The following NRAP variants were observed in gnomAD, a reference collection of about 807,000 sequenced individuals.
The protein encoded by NRAP is nebulin-related-anchoring protein.
In NRAP, 189 loss-of-function variants were observed where a neutral mutation model predicts 225.9. The observed-to-expected ratio is 0.84, with a 90% CI of 0.74 to 0.94. The LOEUF (loss-of-function observed/expected upper bound fraction) is 0.94. NRAP is among the 40% of genes least tolerant of loss of function. The pLI, the probability that NRAP is intolerant of heterozygous loss-of-function variation, is 0.00. For missense variants in NRAP, 2,176 were observed against 2,168.7 expected (o/e 1.00, Z -0.07); for synonymous variants, 769 against 790.7 (o/e 0.97, Z 0.46).
At chr10:113,631,067 A>C (rs1172111680) in intron 18 of NRAP, among the ~76,000 whole-genome samples, 7 of 152,308 alleles carry the variant, frequency 4.6e-5, no homozygotes, top group African/African-American at 1.7e-4. Flanking sequence ...GGGAGGCCCC[A>C]GCTTGCTAAA....
In NRAP at chr10:113,623,769, G is replaced by A. The variant is rs1433295585; in HGVS notation, c.2350-133C>T. 3 of 639,894 alleles carry A rather than the reference G, an allele frequency of 4.7e-6. No homozygotes were observed. In the African/African-American group the frequency reaches 5.4e-5, roughly 11 times the overall value. The allele number at this position is 639,894 out of a possible 1,614,324, so 39.6% of individuals were successfully genotyped here. A position where few individuals can be genotyped will look rare whatever the true frequency, so the allele number is the denominator to read the frequency against. On this transcript the variant is annotated intron_variant, in intron 22 of 41. Coordinates refer to ENST00000359988, the MANE Select transcript of NRAP (RefSeq NM_198060.4). ...ATTACGTCCTTCTCTGAGAGCCACA[G>A]AAATCATGTAGTCTGAATACAGCCA...
chr10:113,626,073 T>C lies in NRAP; in HGVS notation c.2218A>G (p.Lys740Glu), dbSNP rs992235322. The C allele has an allele frequency of 1.2e-5, 19 of 1,612,568 alleles. No homozygotes were observed. The highest frequency in any genetic ancestry group is 1.2e-4 in the Admixed American group (7 of 59,930). ...CCGCTCTGTAGCTCCTGGCTCTTCT[T>C]GGCGTGCTCCATCTGGGAGCTGTCG... ...VTDSSQMEHAKKSQELQSGVA... is the reference protein window; with the variant it reads ...VTDSSQMEHAEKSQELQSGVA... Residue 740 changes from lysine to glutamate, a missense_variant, in exon 21 of 42, where the codon AAG (lysine) becomes GAG (glutamate). Transcript: ENST00000359988.
At chr10:113,628,578 T>C (rs763248478) in intron 20 of NRAP, among the ~76,000 whole-genome samples, 16 of 152,226 alleles carry the variant, frequency 1.1e-4, no homozygotes, top group Admixed American at 2.6e-4. Flanking sequence ...ATCCTCCAAA[T>C]ACTGGACTTT....
intron 8 of NRAP, 65 bp downstream of exon 8, chr10:113,650,373 C>A: frequency 1.7e-6 from 2 of 1,178,456 alleles, no homozygotes; most frequent in Non-Finnish European, 2.6e-6. Flanking sequence ...GGAAGTTGGA[C>A]TCCTCAGACC....
At chr10:113,594,129 G>T (rs1191819329) in intron 38 of NRAP, among the ~76,000 whole-genome samples, 5 of 152,154 alleles carry the variant, frequency 3.3e-5, no homozygotes. Context: ...TTATCACAGT[G>T]GGCACAGTTT....
chr10:113,604,103 A>T (rs1471730989), intron 35 of NRAP, among the ~76,000 whole-genome samples: 1 of 152,130 alleles, frequency 6.6e-6, no homozygotes, highest in Non-Finnish European at 1.5e-5. Flanking sequence ...GCTAGTATAC[A>T]GAAGGTGGTC....
intron 14 of NRAP, 105 bp from the exon 15 acceptor site, chr10:113,634,315 T>C (rs755407306): frequency 3.0e-5 from 23 of 775,370 alleles, no homozygotes; most frequent in Non-Finnish European, 5.0e-5. Flanking sequence ...AATGGCTACG[T>C]AGAAAAAGAG....
chr10:113,651,793 C>T lies in NRAP; in HGVS notation c.675+10G>A, dbSNP rs1297265561. On this transcript the variant is annotated intron_variant, in intron 7 of 41. Coordinates refer to ENST00000359988, the MANE Select transcript of NRAP (RefSeq NM_198060.4). ...CCATCAGTGATGGACTGGCCTCCCT[C>T]CTTTCTTACATCACTTTGAAGCTGT... 2.5e-6 allele frequency: 4 copies of T among 1,573,166 alleles called. No homozygotes were observed. The highest frequency in any genetic ancestry group is 1.7e-5 in the Admixed American group (1 of 59,916).
At position 113,595,713 on chromosome 10, in the gene NRAP, A is replaced by C; in HGVS notation, c.4446T>G (p.Ser1482=). Reference sequence around the variant, plus strand: ...ATCTGTGCAGGGATTCTGCATCTCCAGATCTATACATGCGCTGTAGATAAG... The same window carrying C: ...ATCTGTGCAGGGATTCTGCATCTCCCGATCTATACATGCGCTGTAGATAAG... ...YMHCNERMYR[S]GDAESLHRYT... The change falls in exon 38 of 42, where the codon TCT becomes TCG. Residue 1482 remains serine (S), a synonymous_variant. Transcript: ENST00000359988. 1 of 1,610,784 alleles carries C rather than the reference A, an allele frequency of 6.2e-7. No individual in the cohort carries two copies. Among genetic ancestry groups the C allele is most frequent in the Non-Finnish European group, 8.5e-7 (1 of 1,176,916 alleles).
intron 31 of NRAP, among the ~76,000 whole-genome samples, chr10:113,610,186 C>T (rs931486893): frequency 2.0e-5 from 3 of 151,822 alleles, no homozygotes; most frequent in Non-Finnish European, 4.4e-5. Flanking sequence ...CCCATCTCTA[C>T]TAAAAATATA....
intron 14 of NRAP, among the ~76,000 whole-genome samples, chr10:113,639,740 C>T (rs1246378637): frequency 6.6e-6 from 1 of 152,114 alleles, no homozygotes; most frequent in East Asian, 1.9e-4. Flanking sequence ...TAAATAAAAT[C>T]GCTGCTGTAA....
intron 32 of NRAP, 64 bp from the exon 33 acceptor site, chr10:113,606,346 G>A (rs1846967209): frequency 9.8e-7 from 1 of 1,021,728 alleles, no homozygotes; most frequent in Non-Finnish European, 1.5e-6. Flanking sequence ...CTGCAGTGCT[G>A]GAAGTCCCTC....
At chr10:113,632,269 A>G (rs1299804491) in intron 16 of NRAP, among the ~76,000 whole-genome samples, 1 of 152,170 alleles carries the variant, frequency 6.6e-6, no homozygotes, top group Non-Finnish European at 1.5e-5. Flanking sequence ...ATTTGCAAAG[A>G]GTGTATCATA....
At chr10:113,645,041 G>A (rs541931034) in intron 11 of NRAP, among the ~76,000 whole-genome samples, 22 of 152,262 alleles carry the variant, frequency 1.4e-4, no homozygotes, top group African/African-American at 5.3e-4. Flanking sequence ...CGGTGGGCAA[G>A]CCAAACAAAA....
Position 113,663,699 on chromosome 10 carries a change from T to C in NRAP, c.72+112A>G, listed in dbSNP as rs570986628. 11 of 826,654 alleles carry C rather than the reference T, an allele frequency of 1.3e-5. No homozygotes were observed. In the South Asian group the frequency reaches 1.5e-4, roughly 12 times the overall value. The allele number at this position is 826,654 out of a possible 1,614,324, so 51.2% of individuals were successfully genotyped here. A position where few individuals can be genotyped will look rare whatever the true frequency, so the allele number is the denominator to read the frequency against. ...AGAAAATATAACTTTTTCTTGTGGT[T>C]CAAAACAATTTAACTGAAAATTAAA... On this transcript the variant is annotated intron_variant, in intron 1 of 41. Coordinates refer to ENST00000359988, the MANE Select transcript of NRAP (RefSeq NM_198060.4).
chr10:113,661,347 A>G lies in NRAP; in HGVS notation c.255+1332T>C, dbSNP rs191525701. Among the ~76,000 whole-genome samples the G allele has an allele frequency of 2.3e-4, 35 of 152,318 alleles. No homozygotes were observed. In the East Asian group the frequency reaches 3.5e-3, roughly 15 times the overall value. On this transcript the variant is annotated intron_variant, in intron 3 of 41. Transcript: ENST00000359988. ...AATAAACTCACAATTAGTTCTAAGCACTTAGTGAAAATAAGGTATCTTGGC... is the reference window on the plus strand; with the variant it reads ...AATAAACTCACAATTAGTTCTAAGCGCTTAGTGAAAATAAGGTATCTTGGC...
chr10:113,599,522 C>T (rs922684342), intron 35 of NRAP, among the ~76,000 whole-genome samples: 3 of 152,174 alleles, frequency 2.0e-5, no homozygotes, highest in South Asian at 2.1e-4. Flanking sequence ...AAGTGGGGAG[C>T]GCTCTTTCAA....
intron 31 of NRAP, 134 bp downstream of exon 31, chr10:113,610,325 G>A: frequency 1.9e-6 from 1 of 535,102 alleles, no homozygotes; most frequent in Non-Finnish European, 3.3e-6. Flanking sequence ...ACTCCAGCCT[G>A]GGTGACAGAG....
chr10:113,659,351 T>A (rs1483307965), intron 3 of NRAP, among the ~76,000 whole-genome samples: 1 of 152,188 alleles, frequency 6.6e-6, no homozygotes, highest in South Asian at 2.1e-4. Flanking sequence ...ACAATCAATA[T>A]GTCCCAGACA....
Sources: allele counts gnomAD v4.1 joint callset (sites outside exome capture counted in the v4.1 genomes callset), GRCh38; gene constraint gnomAD v4.1.1; transcripts MANE v1.5; gene names NCBI Gene and HGNC (gene_info 2026-07-23, HGNC 2026-07-21).